CYTH3: variants seen among roughly 807,000 people sequenced by gnomAD.
CYTH3 encodes cytohesin 3, also known as cytohesin-3.
CYTH3 carries 23 observed loss-of-function variants against 55.1 expected under a neutral mutation model. The ratio of observed to expected loss-of-function variants is 0.42; its 90% CI spans 0.30 to 0.59. CYTH3 has a LOEUF of 0.59. Ranked by LOEUF, CYTH3 falls within the 20% of genes least tolerant of loss-of-function variation. The pLI, the probability that CYTH3 is intolerant of heterozygous loss-of-function variation, is 0.20. For missense variants in CYTH3, 413 were observed against 524.8 expected (o/e 0.79, Z 2.08); for synonymous variants, 249 against 194.9 (o/e 1.28, Z -2.31).
At chr7:6,244,463 C>T (rs543474931) in intron 1 of CYTH3, among the ~76,000 whole-genome samples, 3 of 152,194 alleles carry the variant, frequency 2.0e-5, no homozygotes, top group African/African-American at 4.8e-5. Flanking sequence ...TCAAAATGTC[C>T]GAAAAATTAT....
At chr7:6,254,866 T>C (rs1393676095) in intron 1 of CYTH3, among the ~76,000 whole-genome samples, 3 of 152,230 alleles carry the variant, frequency 2.0e-5, no homozygotes, top group South Asian at 2.1e-4. Flanking sequence ...GAAAGACATA[T>C]AGGATTCATC....
chr7:6,212,441 C>T (rs565034991), intron 1 of CYTH3, among the ~76,000 whole-genome samples: 46 of 152,232 alleles, frequency 3.0e-4, no homozygotes, highest in African/African-American at 1.1e-3. Context: ...CTTTCCCCAT[C>T]CCCAGGCACC....
At chr7:6,253,183 G>A (rs1036937977) in intron 1 of CYTH3, among the ~76,000 whole-genome samples, 2 of 150,634 alleles carry the variant, frequency 1.3e-5, no homozygotes, top group African/African-American at 4.9e-5. Context: ...TAGACAATAA[G>A]CCTGGACTCT....
chr7:6,185,827 T>G (rs1783629074), intron 4 of CYTH3, among the ~76,000 whole-genome samples: 1 of 152,124 alleles, frequency 6.6e-6, no homozygotes, highest in African/African-American at 2.4e-5. Flanking sequence ...TGCACTTATG[T>G]GAGTTTACAG....
At chr7:6,168,565 G>A (rs1332376627) in intron 9 of CYTH3, among the ~76,000 whole-genome samples, 1 of 152,144 alleles carries the variant, frequency 6.6e-6, no homozygotes, top group Non-Finnish European at 1.5e-5. Flanking sequence ...CCAGCCCCTA[G>A]AGCAGCAGGT....
At chr7:6,179,723 A>C (rs369170466) in intron 4 of CYTH3, among the ~76,000 whole-genome samples, 1,190 of 63,676 alleles carry the variant, frequency 0.019, 11 homozygotes, top group Middle Eastern at 0.024. Context: ...CCCACACACC[A>C]CACACACACA....
At chr7:6,270,938 A>G (rs6976305) in intron 1 of CYTH3, among the ~76,000 whole-genome samples, 15,461 of 152,158 alleles carry the variant, frequency 0.1, 2,264 homozygotes, top group African/African-American at 0.33. Context: ...AGCACCTTAC[A>G]AACAAAACTG....
chr7:6,245,043 T>A (rs1779773813), intron 1 of CYTH3, among the ~76,000 whole-genome samples: 1 of 138,358 alleles, frequency 7.2e-6, no homozygotes, highest in Non-Finnish European at 1.5e-5. Flanking sequence ...ATGGTCTCAA[T>A]CTCCTGACCT....
At chr7:6,221,151 C>T (rs1278616069) in intron 1 of CYTH3, among the ~76,000 whole-genome samples, 7 of 152,118 alleles carry the variant, frequency 4.6e-5, no homozygotes, top group African/African-American at 1.7e-4. Context: ...CTGGAAACAA[C>T]CAAAGTTCTA....
chr7:6,238,161 A>G (rs978004124), intron 1 of CYTH3, among the ~76,000 whole-genome samples: 1 of 152,248 alleles, frequency 6.6e-6, no homozygotes, highest in Non-Finnish European at 1.5e-5. Flanking sequence ...AACCAGAATA[A>G]GAATGAACTA....
At chr7:6,205,059 G>A (rs1019589421) in intron 1 of CYTH3, among the ~76,000 whole-genome samples, 2 of 152,034 alleles carry the variant, frequency 1.3e-5, no homozygotes, top group African/African-American at 2.4e-5. Context: ...CCAGCTACTT[G>A]GGGGCTGAGG....
intron 1 of CYTH3, among the ~76,000 whole-genome samples, chr7:6,219,621 T>C (rs936192369): frequency 6.6e-6 from 1 of 152,170 alleles, no homozygotes; most frequent in Admixed American, 6.5e-5. Context: ...AAGCCAGGAA[T>C]AGAAACAGAA....
At chr7:6,264,006 G>A (rs754618404) in intron 1 of CYTH3, among the ~76,000 whole-genome samples, 1 of 151,982 alleles carries the variant, frequency 6.6e-6, no homozygotes, top group Non-Finnish European at 1.5e-5. Context: ...CAGCACTTTG[G>A]GAGGCTGAGG....
Position 6,272,559 on chromosome 7 carries a change from G to T in CYTH3, c.-52C>A. ...GCCGGGGGCCGGCAGCAGAGGGGCCGCGGGCTGGGGACGCCGCCGGAGGGA... is the reference window on the plus strand; with the variant it reads ...GCCGGGGGCCGGCAGCAGAGGGGCCTCGGGCTGGGGACGCCGCCGGAGGGA... On this transcript the variant is annotated 5_prime_UTR_variant, in exon 1 of 13. Coordinates refer to ENST00000350796, the MANE Select transcript of CYTH3 (RefSeq NM_004227.4). 1.6e-6 allele frequency: 2 copies of T among 1,246,950 alleles called. No individual in the cohort carries two copies. Among genetic ancestry groups the T allele is most frequent in the South Asian group, 2.0e-5 (1 of 49,084 alleles). The allele number at this position is 1,246,950 out of a possible 1,614,324, so 77.2% of individuals were successfully genotyped here. A position where few individuals can be genotyped will look rare whatever the true frequency, so the allele number is the denominator to read the frequency against.
intron 4 of CYTH3, among the ~76,000 whole-genome samples, chr7:6,185,853 C>A (rs1783629731): frequency 6.6e-6 from 1 of 152,072 alleles, no homozygotes; most frequent in African/African-American, 2.4e-5. Context: ...AGACCTTGTA[C>A]AATGGAATTC....
At chr7:6,216,874 A>AG (rs967524626) in intron 1 of CYTH3, among the ~76,000 whole-genome samples, 28 of 152,108 alleles carry the variant, frequency 1.8e-4, no homozygotes, top group African/African-American at 6.0e-4. Flanking sequence ...AAAAAAAAAA[A>AG]AAAGAAATGG....
intron 1 of CYTH3, among the ~76,000 whole-genome samples, chr7:6,199,870 G>A (rs571784610): frequency 1.3e-5 from 2 of 152,292 alleles, no homozygotes; most frequent in Non-Finnish European, 1.5e-5. Context: ...GAAAGCACAC[G>A]TTATAAGCTG....
intron 2 of CYTH3, chr7:6,189,022 G>T (rs112829768): frequency 6.6e-6 from 1 of 152,218 alleles, no homozygotes; most frequent in Non-Finnish European, 1.5e-5. Flanking sequence ...GACAAGGCCT[G>T]TCCTTGCCGT....
chr7:6,164,698 G>A lies in CYTH3; in HGVS notation c.*246C>T, dbSNP rs2128534966. ...ACCATGACCCCAGCCACGGCAGGAG[G>A]CCTCGAGGATCAGTCTGGGCCACGG... On this transcript the variant is annotated 3_prime_UTR_variant, in exon 13 of 13. Transcript: ENST00000350796. 1 of 561,024 alleles carries A rather than the reference G, an allele frequency of 1.8e-6. No homozygotes were observed. The highest frequency in any genetic ancestry group is 1.9e-5 in the African/African-American group (1 of 52,858). The allele number at this position is 561,024 out of a possible 1,614,324, so 34.8% of individuals were successfully genotyped here.
Sources: gnomAD v4.1 joint callset for allele counts (sites outside exome capture counted in the v4.1 genomes callset) on GRCh38, gnomAD v4.1.1 for gene constraint, MANE v1.5 for transcripts, NCBI Gene and HGNC (gene_info 2026-07-23, HGNC 2026-07-21) for gene names.